The following CFAP61 variants were observed in gnomAD, a reference collection of about 807,000 sequenced individuals.
The protein encoded by CFAP61 is cilia and flagella associated protein 61.
CFAP61 carries 107 observed loss-of-function variants against 135.6 expected under a neutral mutation model. The observed-to-expected ratio is 0.79, with a 90% confidence interval of 0.67 to 0.93. CFAP61 has a LOEUF of 0.93. Ranked by LOEUF, CFAP61 falls within the 40% of genes least tolerant of loss-of-function variation. The probability of loss-of-function intolerance (pLI) is 0.00; values close to 1 mark genes in which losing one functional copy is unlikely to be tolerated. For synonymous variants in CFAP61, 575 were observed against 578.5 expected (o/e 0.99, Z 0.09); for missense variants, 1,507 against 1,556.2 (o/e 0.97, Z 0.53).
At chr20:20,210,774 C>T (rs1188493170) in intron 17 of CFAP61, among the ~76,000 whole-genome samples, 2 of 152,184 alleles carry the variant, frequency 1.3e-5, no homozygotes, top group African/African-American at 2.4e-5. Flanking sequence ...GCCTAACTTT[C>T]AGGCCTTTTT....
chr20:20,251,552 G>A (rs1569193200), intron 19 of CFAP61, 43 bp from the exon 20 acceptor site: 1 of 1,600,352 alleles, frequency 6.2e-7, no homozygotes. Flanking sequence ...AATGCCCGCT[G>A]TCAGCTGCTC....
At chr20:20,183,736 C>T in intron 13 of CFAP61, among the ~76,000 whole-genome samples, 1 of 152,080 alleles carries the variant, frequency 6.6e-6, no homozygotes, top group Admixed American at 6.5e-5. Context: ...CTTTATGTTA[C>T]TTTTTTGTAC....
intron 24 of CFAP61, among the ~76,000 whole-genome samples, chr20:20,294,176 C>G (rs1458757077): frequency 6.6e-6 from 1 of 152,204 alleles, no homozygotes; most frequent in Admixed American, 6.5e-5. Context: ...ACCCCAGAAC[C>G]CTGCACCATG....
At chr20:20,101,410 C>A (rs979224989) in intron 8 of CFAP61, among the ~76,000 whole-genome samples, 1 of 152,026 alleles carries the variant, frequency 6.6e-6, no homozygotes, top group Non-Finnish European at 1.5e-5. Context: ...GTGAGGTTCT[C>A]TCCATTTTTT....
In CFAP61 at chr20:20,357,795, G is replaced by A. The variant is rs145496931; in HGVS notation, c.3514-2415G>A. ...CACTGAGGGGAGGTGGTCACAGTGT[G>A]CGGGGAGGTGGTCATACTGAGGGGA... On this transcript the variant is annotated intron_variant, in intron 26 of 26. Coordinates refer to ENST00000245957, the MANE Select transcript of CFAP61 (RefSeq NM_015585.4). 7.7e-3 allele frequency among the ~76,000 whole-genome samples: 51 copies of A among 6,600 alleles called. 14 individuals are homozygous for A. Among genetic ancestry groups the A allele is most frequent in the South Asian group, 0.041 (3 of 74 alleles). The allele number at this position is 6,600 out of a possible 152,430, so 4.3% of individuals were successfully genotyped here.
intron 2 of CFAP61, among the ~76,000 whole-genome samples, chr20:20,060,542 CA>C (rs2044717670): frequency 6.6e-6 from 1 of 152,228 alleles, no homozygotes; most frequent in Admixed American, 6.5e-5. Flanking sequence ...TTGGGAGGAG[CA>C]TGATTAGAAT....
rs1388244066 is a variant in CFAP61 at position 20,052,604 on chromosome 20, G to A, written c.-37+13G>A. 1.9e-6 allele frequency: 3 copies of A among 1,613,744 alleles called. No homozygotes were observed. The highest frequency in any genetic ancestry group is 3.3e-4 in the Middle Eastern group (2 of 6,062). On this transcript the variant is annotated intron_variant, in intron 1 of 26. Coordinates refer to ENST00000245957, the MANE Select transcript of CFAP61 (RefSeq NM_015585.4). Reference sequence around the variant, plus strand: ...AGCTGCGGATGAGGTGGGTAACGCCGTGCTGACTAGCAGCGACGCAAGGAC... The same window carrying A: ...AGCTGCGGATGAGGTGGGTAACGCCATGCTGACTAGCAGCGACGCAAGGAC...
In CFAP61 at chr20:20,265,515, A is replaced by T. The variant is rs7261017; in HGVS notation, c.2503+2385A>T. On this transcript the variant is annotated intron_variant, in intron 21 of 26. Transcript: ENST00000245957. ...AAGGGAAATGTTTTTTCAAGATTTA[A>T]GACTGACTCCCAGCAGCCAGTGCAT... 0.018 allele frequency: 13,717 copies of T among 779,478 alleles called. 1,254 individuals are homozygous for T. In the African/African-American group the frequency reaches 0.2, roughly 11 times the overall value. 48.3% of individuals were successfully genotyped at this position (779,478 alleles called of 1,614,324 possible).
intron 24 of CFAP61, among the ~76,000 whole-genome samples, chr20:20,296,693 C>T (rs1194167549): frequency 2.0e-5 from 3 of 152,122 alleles, no homozygotes; most frequent in Admixed American, 6.5e-5. Context: ...GACCCAGTCT[C>T]CCAACCACAG....
intron 10 of CFAP61, among the ~76,000 whole-genome samples, chr20:20,163,441 G>A (rs2053562928): frequency 6.6e-6 from 1 of 152,048 alleles, no homozygotes; most frequent in Non-Finnish European, 1.5e-5. Context: ...GGGACAGAGG[G>A]ATTTTGCTTC....
chr20:20,199,886 C>T lies in CFAP61; in HGVS notation c.1916C>T (p.Ala639Val), dbSNP rs759937819. 1.5e-5 allele frequency: 25 copies of T among 1,614,070 alleles called. No homozygotes were observed. The highest frequency in any genetic ancestry group is 2.2e-5 in the East Asian group (1 of 44,882). The change falls in exon 17 of 27, where the codon GCG becomes GTG. Residue 639 changes from alanine (A) to valine (V), a missense_variant. Ala to Val is a moderately conservative substitution (Grantham distance 64). Coordinates refer to ENST00000245957, the MANE Select transcript of CFAP61 (RefSeq NM_015585.4). ...EKLGINAPSKAVSKDPMSYAL... is the reference protein window; with the variant it reads ...EKLGINAPSKVVSKDPMSYAL... ...CTTGGCATAAACGCTCCATCAAAGG[C>T]GGTCTCCAAGGATCCGGTGGGTAGC...
intron 8 of CFAP61, among the ~76,000 whole-genome samples, chr20:20,112,828 G>A (rs1013718300): frequency 6.6e-6 from 1 of 152,078 alleles, no homozygotes; most frequent in Non-Finnish European, 1.5e-5. Flanking sequence ...TATCCCATAA[G>A]CTATTACCAA....
chr20:20,281,456 A>C (rs1394153984), intron 22 of CFAP61, among the ~76,000 whole-genome samples: 1 of 152,216 alleles, frequency 6.6e-6, no homozygotes, highest in Non-Finnish European at 1.5e-5. Flanking sequence ...TTTTATCATG[A>C]ACGGCTGTTG....
At chr20:20,104,451 A>C (rs2048239706) in intron 8 of CFAP61, among the ~76,000 whole-genome samples, 2 of 152,260 alleles carry the variant, frequency 1.3e-5, no homozygotes, top group South Asian at 4.1e-4. Context: ...TTGTGTATTA[A>C]ATCATCCCAG....
At chr20:20,161,945 TG>T (rs2053440773) in intron 10 of CFAP61, among the ~76,000 whole-genome samples, 3 of 152,288 alleles carry the variant, frequency 2.0e-5, no homozygotes, top group South Asian at 4.1e-4. Context: ...ACCCCAAACT[TG>T]GTGGCTTATA....
chr20:20,159,436 G>A lies in CFAP61; in HGVS notation c.1018G>A (p.Glu340Lys). 2 of 1,613,796 alleles carry A rather than the reference G, an allele frequency of 1.2e-6. No homozygotes were observed. Among genetic ancestry groups the A allele is most frequent in the Non-Finnish European group, 1.7e-6 (2 of 1,179,710 alleles). The part of the protein sequence containing the change: ...LTAVQSGNVS[E>K]PEDIEKLSDI... ...AGCAGTCCAAAGTGGAAATGTTAGTGAACCGGAGGTAGGGTTTGACGAGGG... is the reference window on the plus strand; with the variant it reads ...AGCAGTCCAAAGTGGAAATGTTAGTAAACCGGAGGTAGGGTTTGACGAGGG... Residue 340 changes from glutamate to lysine, a missense_variant, in exon 10 of 27, where the codon GAA becomes AAA. Coordinates refer to ENST00000245957, the MANE Select transcript of CFAP61 (RefSeq NM_015585.4).
In CFAP61 at chr20:20,359,538, C is replaced by G. The variant is rs994543942; in HGVS notation, c.3514-672C>G. ...AATTAGCCAGGCATGGTGGGCCATG[C>G]CTGTAGTCCCAGCTACTTGGGAGGC... On this transcript the variant is annotated intron_variant, in intron 26 of 26. Transcript: ENST00000245957. The surrounding 1 kb of genome is among the most constrained non-coding windows in gnomAD (Gnocchi z 4.0). Among the ~76,000 whole-genome samples the G allele has an allele frequency of 2.0e-5, 3 of 152,028 alleles. No individual in the cohort carries two copies. Among genetic ancestry groups the G allele is most frequent in the African/African-American group, 7.2e-5 (3 of 41,392 alleles).
chr20:20,076,729 AAAGT>A (rs1388750210), intron 6 of CFAP61, among the ~76,000 whole-genome samples: 4 of 152,230 alleles, frequency 2.6e-5, no homozygotes, highest in Non-Finnish European at 5.9e-5. Flanking sequence ...AAACTTTATA[AAAGT>A]AAGAGCCTAT....
intron 8 of CFAP61, among the ~76,000 whole-genome samples, chr20:20,115,617 T>C (rs1376329186): frequency 6.6e-6 from 1 of 152,172 alleles, no homozygotes; most frequent in Non-Finnish European, 1.5e-5. Flanking sequence ...TGGTCTCTGG[T>C]AACCACCAAT....
Sources: allele counts gnomAD v4.1 joint callset (sites outside exome capture counted in the v4.1 genomes callset), GRCh38; gene constraint gnomAD v4.1.1; non-coding constraint Gnocchi (gnomAD v3.1); transcripts MANE v1.5; gene names NCBI Gene and HGNC (gene_info 2026-07-23, HGNC 2026-07-21).